The following AKR1C1 variants were observed in gnomAD, a reference collection of about 807,000 sequenced individuals.
AKR1C1 encodes 20 alpha-hydroxysteroid dehydrogenase.
Under a neutral mutation model 40.6 loss-of-function variants are expected in AKR1C1, and 32 were observed. The observed-to-expected ratio is 0.79, with a 90% CI of 0.60 to 1.06. The LOEUF (loss-of-function observed/expected upper bound fraction) is 1.06, where lower values mean the gene tolerates loss of function less well. AKR1C1 is among the 50% of genes least tolerant of loss of function. AKR1C1 has a pLI of 0.00. For synonymous variants in AKR1C1, 105 were observed against 134.2 expected (o/e 0.78, Z 1.50); for missense variants, 320 against 363.5 (o/e 0.88, Z 0.97).
rs1396079617 is a variant in AKR1C1, at chr10:4,982,936, A to G, written c.*5194A>G. On this transcript the variant is annotated 3_prime_UTR_variant, in exon 9 of 9. Transcript: ENST00000380872. Reference sequence around the variant, plus strand: ...CGCATGACAAGTTCACCGCTCGCATAACCAGCATTCAAGAAAGCCAGCACA... The same window carrying G: ...CGCATGACAAGTTCACCGCTCGCATGACCAGCATTCAAGAAAGCCAGCACA... The G allele has an allele frequency of 4.4e-6, 2 of 450,456 alleles. No homozygotes were observed. Among genetic ancestry groups the G allele is most frequent in the Non-Finnish European group, 8.9e-6 (2 of 224,914 alleles). 27.9% of individuals were successfully genotyped at this position (450,456 alleles called of 1,614,324 possible).
chr10:4,963,425 C>T lies in AKR1C1; in HGVS notation c.-20C>T, dbSNP rs757239913. The T allele has an allele frequency of 3.1e-6, 5 of 1,613,514 alleles. No individual in the cohort carries two copies. The highest frequency in any genetic ancestry group is 2.7e-5 in the African/African-American group (2 of 74,904). ...GAGGGAGGAAGAAAGAAACATTTGC[C>T]AGCCAGGCTAGTGACAGAAATGGAT... On this transcript the variant is annotated 5_prime_UTR_variant, in exon 1 of 9. Coordinates refer to ENST00000380872, the MANE Select transcript of AKR1C1 (RefSeq NM_001353.6).
Position 4,977,709 on chromosome 10 carries a change from C to T in AKR1C1, c.939C>T (p.Gly313=), listed in dbSNP as rs565923680. The T allele has an allele frequency of 6.2e-6, 10 of 1,609,896 alleles. No individual in the cohort carries two copies. The highest frequency in any genetic ancestry group is 8.5e-6 in the Non-Finnish European group (10 of 1,178,986). The part of the protein sequence containing the change: ...VRYLTLDIFA[G]PPNYPFSDEY ...TTTTTTCTCTTTCCAGTTTTGCTGGCCCCCCTAATTATCCATTTTCTGATG... is the reference window on the plus strand; with the variant it reads ...TTTTTTCTCTTTCCAGTTTTGCTGGTCCCCCTAATTATCCATTTTCTGATG... The change falls in exon 9 of 9, where the codon GGC becomes GGT. Residue 313 remains glycine (G), a synonymous_variant. Coordinates refer to ENST00000380872, the MANE Select transcript of AKR1C1 (RefSeq NM_001353.6).
intron 1 of AKR1C1, among the ~76,000 whole-genome samples, chr10:4,964,907 T>C (rs1836307845): frequency 6.6e-6 from 1 of 152,236 alleles, no homozygotes; most frequent in African/African-American, 2.4e-5. Flanking sequence ...CCTGCTGGTA[T>C]CTGATAAGGT....
In AKR1C1 at chr10:4,978,221, C is replaced by A. The variant is rs1836556883; in HGVS notation, c.*479C>A. 1 of 152,106 alleles carries A rather than the reference C, an allele frequency of 6.6e-6. No individual in the cohort carries two copies. The highest frequency in any genetic ancestry group is 2.5e-5 in the African/African-American group (1 of 39,602). 9.4% of individuals were successfully genotyped at this position (152,106 alleles called of 1,614,324 possible). A position where few individuals can be genotyped will look rare whatever the true frequency, so the allele number is the denominator to read the frequency against. The stretch of plus-strand genomic sequence containing the variant: ...GAGTCTAGAGGATGAGCGATATTGA[C>A]TAGCAATTCATGGGCTCCCTCCAGC... On this transcript the variant is annotated 3_prime_UTR_variant, in exon 9 of 9. Coordinates refer to ENST00000380872, the MANE Select transcript of AKR1C1 (RefSeq NM_001353.6).
At chr10:4,966,512 T>C (rs1357553433) in intron 2 of AKR1C1, among the ~76,000 whole-genome samples, 2 of 152,206 alleles carry the variant, frequency 1.3e-5, no homozygotes, top group Non-Finnish European at 2.9e-5. Context: ...TCTCAAATTG[T>C]GTCCAGCCCA....
At chr10:4,971,671 G>C (rs1307541648) in intron 5 of AKR1C1, among the ~76,000 whole-genome samples, 1 of 150,550 alleles carries the variant, frequency 6.6e-6, no homozygotes, top group Non-Finnish European at 1.5e-5. Context: ...ATGAAAGACT[G>C]TGAAAATTAT....
In AKR1C1 at chr10:4,982,643, T is replaced by C; in HGVS notation, c.*4901T>C. On this transcript the variant is annotated 3_prime_UTR_variant, in exon 9 of 9. Transcript: ENST00000380872. ...GGTAGCTTAACACAAAGATACACTT[T>C]TAGGAGCTTCATAGCCCCTCTTCCC... The C allele has an allele frequency of 3.8e-6, 1 of 262,700 alleles. No homozygotes were observed. The highest frequency in any genetic ancestry group is 7.4e-6 in the Non-Finnish European group (1 of 134,258). The allele number at this position is 262,700 out of a possible 1,614,324, so 16.3% of individuals were successfully genotyped here.
Position 4,981,014 on chromosome 10 carries a change from T to G in AKR1C1, c.*3272T>G, listed in dbSNP as rs1270025102. ...CATGGGAAACAGAATGCATGTTGTG[T>G]TAGCAGGCATGGAAAGAACAGTAAT... On this transcript the variant is annotated 3_prime_UTR_variant, in exon 9 of 9. Coordinates refer to ENST00000380872, the MANE Select transcript of AKR1C1 (RefSeq NM_001353.6). 4 of 152,350 alleles carry G rather than the reference T, an allele frequency of 2.6e-5. No homozygotes were observed. The highest frequency in any genetic ancestry group is 4.4e-5 in the Non-Finnish European group (3 of 68,040). The allele number at this position is 152,350 out of a possible 1,614,324, so 9.4% of individuals were successfully genotyped here. A position where few individuals can be genotyped will look rare whatever the true frequency, so the allele number is the denominator to read the frequency against.
At position 4,981,658 on chromosome 10, in the gene AKR1C1, C is replaced by T. The variant is rs544722856; in HGVS notation, c.*3916C>T. On this transcript the variant is annotated 3_prime_UTR_variant, in exon 9 of 9. Coordinates refer to ENST00000380872, the MANE Select transcript of AKR1C1 (RefSeq NM_001353.6). The stretch of plus-strand genomic sequence containing the variant: ...ATGAAATAAGAAAAAACCATCACAT[C>T]CCCAGATTCTGAGGGGAGAGAGTTC... 1 of 152,384 alleles carries T rather than the reference C, an allele frequency of 6.6e-6. No individual in the cohort carries two copies. Among genetic ancestry groups the T allele is most frequent in the East Asian group, 1.9e-4 (1 of 5,194 alleles). The allele number at this position is 152,384 out of a possible 1,614,324, so 9.4% of individuals were successfully genotyped here.
chr10:4,972,699 G>T lies in AKR1C1; in HGVS notation c.796G>T (p.Val266Leu). ...GCGCTACCAGCTACAGCGTGGGGTT[G>T]TGGTCCTGGCCAAGAGCTACAATGA... The part of the protein sequence containing the change: ...ALRYQLQRGV[V>L]VLAKSYNEQR... The change falls in exon 7 of 9, where the codon GTG (valine) becomes TTG (leucine). Residue 266 changes from valine (V) to leucine (L), a missense_variant. Physicochemically the swap from Val to Leu is conservative, Grantham distance 32 (BLOSUM62 1). Coordinates refer to ENST00000380872, the MANE Select transcript of AKR1C1 (RefSeq NM_001353.6). 1 of 1,612,536 alleles carries T rather than the reference G, an allele frequency of 6.2e-7. No individual in the cohort carries two copies. Among genetic ancestry groups the T allele is most frequent in the Non-Finnish European group, 8.5e-7 (1 of 1,180,028 alleles).
chr10:4,974,061 GAA>G, intron 7 of AKR1C1, among the ~76,000 whole-genome samples: 1 of 151,408 alleles, frequency 6.6e-6, no homozygotes, highest in East Asian at 1.9e-4. Context: ...CAGAGAATGA[GAA>G]AGAAAGTAAA....
chr10:4,965,871 AG>A (rs1455613251), intron 1 of AKR1C1, 42 bp from the exon 2 acceptor site: 2 of 1,585,746 alleles, frequency 1.3e-6, no homozygotes, highest in Non-Finnish European at 1.7e-6. Flanking sequence ...ACTAACTCTC[AG>A]GCACATTAGT....
intron 3 of AKR1C1, chr10:4,967,255 A>G: frequency 9.7e-7 from 1 of 1,025,694 alleles, no homozygotes; most frequent in Non-Finnish European, 1.3e-6. Flanking sequence ...AAAGTGCAGA[A>G]CTCTCAAAGC....
chr10:4,981,460 A>G lies in AKR1C1; in HGVS notation c.*3718A>G, dbSNP rs1202313042. 1.3e-5 allele frequency: 2 copies of G among 152,220 alleles called. No homozygotes were observed. Among genetic ancestry groups the G allele is most frequent in the Non-Finnish European group, 2.9e-5 (2 of 68,050 alleles). 9.4% of individuals were successfully genotyped at this position (152,220 alleles called of 1,614,324 possible). On this transcript the variant is annotated 3_prime_UTR_variant, in exon 9 of 9. Coordinates refer to ENST00000380872, the MANE Select transcript of AKR1C1 (RefSeq NM_001353.6). The stretch of plus-strand genomic sequence containing the variant: ...CTCATCAAGAACTAAGAAAATGGAG[A>G]AAAGTACCAGATGGCAGATGGGAGG...
At chr10:4,970,152 C>A (rs1262675021) in intron 5 of AKR1C1, among the ~76,000 whole-genome samples, 1 of 152,044 alleles carries the variant, frequency 6.6e-6, no homozygotes. Context: ...TGACAATTGA[C>A]CCCTAGAGAC....
At chr10:4,976,451 C>T (rs1342577846) in intron 8 of AKR1C1, among the ~76,000 whole-genome samples, 8 of 152,090 alleles carry the variant, frequency 5.3e-5, no homozygotes, top group African/African-American at 1.2e-4. Context: ...AAACCTTTTT[C>T]GTGCCTGTCT....
At position 4,965,940 on chromosome 10, in the gene AKR1C1, C is replaced by G; in HGVS notation, c.111C>G (p.Ala37=). The G allele has an allele frequency of 1.2e-6, 2 of 1,614,142 alleles. No homozygotes were observed. The highest frequency in any genetic ancestry group is 1.7e-6 in the Non-Finnish European group (2 of 1,179,986). The part of the protein sequence containing the change: ...AEVPKSKALE[A]TKLAIEAGFR... ...TTCCTAAAAGTAAAGCTTTAGAGGCCACCAAATTGGCAATTGAAGCTGGCT... is the reference window on the plus strand; with the variant it reads ...TTCCTAAAAGTAAAGCTTTAGAGGCGACCAAATTGGCAATTGAAGCTGGCT... Residue 37 remains alanine, a synonymous_variant, in exon 2 of 9, where the codon GCC becomes GCG. Transcript: ENST00000380872.
chr10:4,975,129 C>A (rs139792194), intron 7 of AKR1C1, among the ~76,000 whole-genome samples: 1 of 151,998 alleles, frequency 6.6e-6, no homozygotes, highest in African/African-American at 2.4e-5. Flanking sequence ...GATAACTTTT[C>A]ATTTTTGTTT....
rs1168790960 is a variant in AKR1C1, at chr10:4,981,530, T to C, written c.*3788T>C. On this transcript the variant is annotated 3_prime_UTR_variant, in exon 9 of 9. Transcript: ENST00000380872. ...CCACTTGGAGATTAGTGTGTAGAGA[T>C]TTACATTGTGAATTTCTTTTCAAGA... is the stretch of plus-strand genomic sequence containing the variant. 1 of 152,146 alleles carries C rather than the reference T, an allele frequency of 6.6e-6. No homozygotes were observed. The highest frequency in any genetic ancestry group is 1.5e-5 in the Non-Finnish European group (1 of 68,028). 9.4% of individuals were successfully genotyped at this position (152,146 alleles called of 1,614,324 possible).
Sources: allele counts gnomAD v4.1 joint callset (sites outside exome capture counted in the v4.1 genomes callset), GRCh38; gene constraint gnomAD v4.1.1; transcripts MANE v1.5; gene names NCBI Gene and HGNC (gene_info 2026-07-23, HGNC 2026-07-21).